Variants in ADAM12 observed in about 807,000 individuals in gnomAD.
The protein encoded by ADAM12 is ADAM metallopeptidase domain 12.
A neutral mutation model predicts 106.4 loss-of-function variants in ADAM12; 70 were observed. The ratio of observed to expected loss-of-function variants is 0.66; its 90% confidence interval spans 0.54 to 0.80. The LOEUF is 0.80. ADAM12 is among the 30% of genes least tolerant of loss of function. The pLI is 0.00. For synonymous variants in ADAM12, 420 were observed against 433.5 expected, an observed-to-expected ratio of 0.97 and a Z score of 0.39; for missense variants, 1,010 against 1,171.9, an observed-to-expected ratio of 0.86 and a Z score of 2.02.
At chr10:126,217,165 C>T (rs1425904125) in intron 3 of ADAM12, among the ~76,000 whole-genome samples, 1 of 152,046 alleles carries the variant, frequency 6.6e-6, no homozygotes, top group African/African-American at 2.4e-5. Context: ...ATAATAATCA[C>T]TATAAAAGGC....
chr10:126,211,654 C>A (rs12268134), intron 3 of ADAM12, among the ~76,000 whole-genome samples: 30,502 of 151,628 alleles, frequency 0.2, 3,170 homozygotes, highest in Non-Finnish European at 0.23. Flanking sequence ...CCACTAATAG[C>A]CTTCTCTGCT....
chr10:126,320,814 G>T (rs1366619819), intron 2 of ADAM12, among the ~76,000 whole-genome samples: 1 of 151,892 alleles, frequency 6.6e-6, no homozygotes, highest in East Asian at 1.9e-4. Flanking sequence ...GGCTTAAAAA[G>T]AAAAAAATAT....
chr10:126,318,505 C>G (rs950423025), intron 2 of ADAM12, among the ~76,000 whole-genome samples: 2 of 144,310 alleles, frequency 1.4e-5, no homozygotes, highest in East Asian at 4.2e-4. Context: ...GAGCCACACT[C>G]TCTCACACAC....
At chr10:126,343,844 T>C (rs1045387825) in intron 1 of ADAM12, among the ~76,000 whole-genome samples, 5 of 152,252 alleles carry the variant, frequency 3.3e-5, no homozygotes, top group African/African-American at 1.2e-4. Flanking sequence ...GAAGTGTCTG[T>C]TCATATCCTT....
intron 3 of ADAM12, 129 bp from the exon 4 acceptor site, chr10:126,155,434 A>G (rs1956797862): frequency 1.3e-6 from 1 of 797,288 alleles, no homozygotes; most frequent in East Asian, 2.8e-5. Flanking sequence ...TAATCCAAGG[A>G]AGCTCCCATT....
intron 3 of ADAM12, among the ~76,000 whole-genome samples, chr10:126,230,499 C>A (rs1002134729): frequency 2.0e-5 from 3 of 152,174 alleles, no homozygotes; most frequent in African/African-American, 4.8e-5. Flanking sequence ...AAGGGTGTAT[C>A]CATTTCCACT....
rs149696471 is a variant in ADAM12, at chr10:126,032,959, C to G, written c.2529+3187G>C. Among the ~76,000 whole-genome samples, 42 of 152,164 alleles carry G rather than the reference C, an allele frequency of 2.8e-4. No homozygotes were observed. The East Asian group carries it at 5.8e-3, about 21-fold the overall frequency. The stretch of plus-strand genomic sequence containing the variant: ...CAAAAGAAAAATTCAATATTCAAAA[C>G]CAGAATTATTCTTATGCCAAAAAAT... On this transcript the variant is annotated intron_variant, in intron 21 of 22. Transcript: ENST00000448723.
At chr10:126,335,986 C>A (rs1348940707) in intron 1 of ADAM12, among the ~76,000 whole-genome samples, 1 of 152,156 alleles carries the variant, frequency 6.6e-6, no homozygotes. Context: ...CAAGGACAGT[C>A]TGAGGTACTG....
chr10:126,115,460 G>T (rs1241149942), intron 6 of ADAM12, among the ~76,000 whole-genome samples: 2 of 152,172 alleles, frequency 1.3e-5, no homozygotes, highest in Non-Finnish European at 2.9e-5. Context: ...TGACTGTGAC[G>T]CTCCCTGTTT....
intron 8 of ADAM12, among the ~76,000 whole-genome samples, chr10:126,106,344 G>A (rs558253477): frequency 6.6e-6 from 1 of 152,100 alleles, no homozygotes; most frequent in Admixed American, 6.5e-5. Context: ...AAAGCACTTA[G>A]AGCCCGGCAC....
At chr10:126,265,317 T>C (rs1959076840) in intron 3 of ADAM12, among the ~76,000 whole-genome samples, 1 of 152,200 alleles carries the variant, frequency 6.6e-6, no homozygotes, top group Non-Finnish European at 1.5e-5. Flanking sequence ...TTCTTCTCTA[T>C]AGGAGCATTT....
intron 3 of ADAM12, among the ~76,000 whole-genome samples, chr10:126,266,692 T>C (rs990800771): frequency 6.6e-6 from 1 of 152,142 alleles, no homozygotes; most frequent in Non-Finnish European, 1.5e-5. Context: ...ACAAGAAGCA[T>C]GACAGCTTCT....
intron 2 of ADAM12, among the ~76,000 whole-genome samples, chr10:126,282,838 G>A (rs1959652877): frequency 6.6e-6 from 1 of 152,104 alleles, no homozygotes; most frequent in Admixed American, 6.5e-5. Context: ...GGCCGGTTTT[G>A]TGGAAGACAA....
chr10:126,040,842 C>A (rs114470071), intron 18 of ADAM12, among the ~76,000 whole-genome samples: 121 of 152,298 alleles, frequency 7.9e-4, no homozygotes, highest in Middle Eastern at 3.4e-3. Context: ...ACCTGCTGAA[C>A]TCCCCAGGGT....
chr10:126,334,713 C>T (rs1854635605), intron 1 of ADAM12, among the ~76,000 whole-genome samples: 1 of 152,172 alleles, frequency 6.6e-6, no homozygotes, highest in South Asian at 2.1e-4. Context: ...CCCATCCTTG[C>T]TCTAGCCAAC....
chr10:126,025,497 T>C (rs1953853802), intron 21 of ADAM12, among the ~76,000 whole-genome samples: 1 of 151,866 alleles, frequency 6.6e-6, no homozygotes, highest in African/African-American at 2.4e-5. Context: ...GAAAAAAGAA[T>C]GAAAAGGAAT....
chr10:126,121,092 A>C (rs377144116), intron 5 of ADAM12, among the ~76,000 whole-genome samples: 2 of 106,852 alleles, frequency 1.9e-5, no homozygotes, highest in Non-Finnish European at 3.5e-5. Flanking sequence ...TAGATGTATA[A>C]TATACTATAT....
intron 3 of ADAM12, among the ~76,000 whole-genome samples, chr10:126,252,961 G>C (rs1412706416): frequency 6.6e-6 from 1 of 151,994 alleles, no homozygotes; most frequent in South Asian, 2.1e-4. Flanking sequence ...GTCTTCTTTG[G>C]AATTTCTCTG....
chr10:126,263,233 T>A (rs1959035693), intron 3 of ADAM12, among the ~76,000 whole-genome samples: 1 of 152,174 alleles, frequency 6.6e-6, no homozygotes. Flanking sequence ...GAGAACATAC[T>A]TGAATGCAGA....
Sources: allele counts gnomAD v4.1 joint callset (sites outside exome capture counted in the v4.1 genomes callset), GRCh38; gene constraint gnomAD v4.1.1; transcripts MANE v1.5; gene names NCBI Gene and HGNC (gene_info 2026-07-23, HGNC 2026-07-21).